RRAGB: variants seen among roughly 807,000 people sequenced by gnomAD.
RRAGB encodes the protein Ras related GTP binding B, also known as ras-related GTP-binding protein B.
In RRAGB, 6 loss-of-function variants were observed where a neutral mutation model predicts 29.3. The observed-to-expected ratio is 0.21, with a 90% CI of 0.11 to 0.40. The LOEUF (loss-of-function observed/expected upper bound fraction) is 0.40, where lower values mean the gene tolerates loss of function less well. Ranked by LOEUF, RRAGB falls within the 10% of genes least tolerant of loss-of-function variation. The pLI, the probability that RRAGB is intolerant of heterozygous loss-of-function variation, is 1.00. For synonymous variants in RRAGB, 101 were observed against 92.5 expected (o/e 1.09, Z -0.53); for missense variants, 184 against 272.9 (o/e 0.67, Z 2.29).
intron 3 of RRAGB, among the ~76,000 whole-genome samples, chrX:55,723,496 C>T (rs779208022): frequency 1.0e-4 from 11 of 108,101 alleles, no homozygotes; most frequent in Non-Finnish European, 1.5e-4. Flanking sequence ...TCTTAAGCCT[C>T]TACAAATATT....
At chrX:55,739,396 G>A (rs1240055917) in intron 5 of RRAGB, among the ~76,000 whole-genome samples, 1 of 23,566 alleles carries the variant, frequency 4.2e-5, no homozygotes, top group African/African-American at 5.3e-5. Context: ...TAGCTGTGAG[G>A]TTCCTCTTAT....
intron 5 of RRAGB, among the ~76,000 whole-genome samples, chrX:55,736,427 T>G (rs1225568595): frequency 8.9e-6 from 1 of 112,198 alleles, no homozygotes; most frequent in Non-Finnish European, 1.9e-5. Flanking sequence ...CTCTTGGATA[T>G]CATTTAGCAA....
At chrX:55,750,405 TC>T (rs933150303) in intron 5 of RRAGB, among the ~76,000 whole-genome samples, 6 of 111,026 alleles carry the variant, frequency 5.4e-5, no homozygotes, top group African/African-American at 2.0e-4. Flanking sequence ...AATTCTTTTT[TC>T]TTGGGGAAAT....
intron 6 of RRAGB, 24 bp from the exon 7 acceptor site, chrX:55,753,368 T>C: frequency 8.5e-7 from 1 of 1,176,045 alleles, no homozygotes; most frequent in Middle Eastern, 2.4e-4. Context: ...TTAATAATAG[T>C]ACACTGTGTT....
chrX:55,740,036 A>AT lies in RRAGB; in HGVS notation c.516+8454dup, dbSNP rs1367310075. On this transcript the variant is annotated intron_variant, in intron 5 of 9. Transcript: ENST00000374941. Reference sequence around the variant, plus strand: ...TAAGACTGGTGCAAAAATAATTGTGATTTTGCCGGGCGCGGTGGCTCACGC... The same window carrying AT: ...TAAGACTGGTGCAAAAATAATTGTGATTTTTGCCGGGCGCGGTGGCTCACGC... Among the ~76,000 whole-genome samples, 8 of 112,068 alleles carry AT rather than the reference A, an allele frequency of 7.1e-5. No individual in the cohort carries two copies. In the Admixed American group the frequency reaches 7.5e-4, roughly 11 times the overall value.
intron 3 of RRAGB, among the ~76,000 whole-genome samples, chrX:55,723,775 C>T (rs1207998566): frequency 5.4e-5 from 6 of 111,049 alleles, no homozygotes; most frequent in Non-Finnish European, 7.5e-5. Flanking sequence ...CCAAACTGGC[C>T]TCGAACTCCT....
intron 3 of RRAGB, chrX:55,727,427 A>G: frequency 1.6e-6 from 1 of 609,324 alleles, no homozygotes; most frequent in Non-Finnish European, 2.8e-6. Flanking sequence ...GGGGGAAGTA[A>G]AGGGGAGAAG....
At chrX:55,727,084 A>G (rs2033506180) in intron 3 of RRAGB, among the ~76,000 whole-genome samples, 1 of 111,311 alleles carries the variant, frequency 9.0e-6, no homozygotes, top group South Asian at 3.9e-4. Flanking sequence ...AGAAGAGAGT[A>G]GTCAACAGTG....
Position 55,758,265 on chromosome X carries a change from C to A in RRAGB, c.963C>A (p.Ile321=), listed in dbSNP as rs2034707855. ...DPSIPSAATL[I]NIRNARKHFE... The stretch of plus-strand genomic sequence containing the variant: ...CCTCAGCTTCTGCAGCTACTCTGAT[C>A]AACATCCGCAATGCCAGGAAACACT... The change falls in exon 10 of 10, where the codon ATC becomes ATA. Residue 321 remains isoleucine (I), a synonymous_variant. Transcript: ENST00000374941. 1 of 1,206,549 alleles carries A rather than the reference C, an allele frequency of 8.3e-7. No homozygotes were observed. The highest frequency in any genetic ancestry group is 1.1e-6 in the Non-Finnish European group (1 of 891,968).
rs1383881280 is a variant in RRAGB at position 55,745,227 on chromosome X, G to A, written c.517-5874G>A. The stretch of plus-strand genomic sequence containing the variant: ...TCTGCCTAATATCTTGTAAAAGGGT[G>A]GTCAAGATTCTTGTGAAGGTGGTCA... On this transcript the variant is annotated intron_variant, in intron 5 of 9. Transcript: ENST00000374941. Among the ~76,000 whole-genome samples the A allele has an allele frequency of 4.5e-5, 5 of 112,114 alleles. No individual in the cohort carries two copies. In the East Asian group the frequency reaches 1.4e-3, roughly 31 times the overall value.
intron 4 of RRAGB, among the ~76,000 whole-genome samples, chrX:55,730,761 G>T (rs1453508361): frequency 9.0e-6 from 1 of 111,655 alleles, no homozygotes; most frequent in Non-Finnish European, 1.9e-5. Context: ...CATGGAACTT[G>T]CTGTCTAGGG....
At chrX:55,743,313 T>C (rs770346628) in intron 5 of RRAGB, among the ~76,000 whole-genome samples, 2 of 112,448 alleles carry the variant, frequency 1.8e-5, no homozygotes, top group East Asian at 5.6e-4. Context: ...AGTAATCATG[T>C]CCCTTCCATG....
At chrX:55,727,820 G>A in intron 3 of RRAGB, among the ~76,000 whole-genome samples, 1 of 111,926 alleles carries the variant, frequency 8.9e-6, no homozygotes, top group South Asian at 3.7e-4. Context: ...ATAATTCCTA[G>A]ACTTTGATAA....
chrX:55,720,047 T>C (rs1189414728), intron 2 of RRAGB, among the ~76,000 whole-genome samples: 1 of 112,445 alleles, frequency 8.9e-6, no homozygotes, highest in African/African-American at 3.2e-5. Context: ...TGGTAAGTCT[T>C]TCATAGGCAA....
chrX:55,742,949 T>A (rs1437490287), intron 5 of RRAGB, among the ~76,000 whole-genome samples: 1 of 111,862 alleles, frequency 8.9e-6, no homozygotes, highest in Non-Finnish European at 1.9e-5. Flanking sequence ...GACTCATGCT[T>A]GTAGTTCTAC....
chrX:55,757,135 C>T (rs1288289466), intron 8 of RRAGB, 81 bp from the exon 9 acceptor site: 1 of 473,409 alleles, frequency 2.1e-6, no homozygotes, highest in East Asian at 3.5e-5. Flanking sequence ...CCTCAATCAT[C>T]AAAAGATGTT....
At chrX:55,756,004 A>G (rs1396424300) in intron 8 of RRAGB, 72 bp downstream of exon 8, 4 of 683,118 alleles carry the variant, frequency 5.9e-6, no homozygotes, top group Non-Finnish European at 9.1e-6. Context: ...AGTTCAAATA[A>G]CTATAGTTAA....
intron 5 of RRAGB, among the ~76,000 whole-genome samples, chrX:55,749,647 G>T (rs2147120970): frequency 9.0e-6 from 1 of 110,911 alleles, no homozygotes; most frequent in South Asian, 4.0e-4. Context: ...TGTCTGTGTG[G>T]AAAGAAGTAG....
rs773413105 is a variant in RRAGB, at chrX:55,743,314, C to T, written c.517-7787C>T. 5.3e-5 allele frequency among the ~76,000 whole-genome samples: 6 copies of T among 112,433 alleles called. No homozygotes were observed. In the East Asian group the frequency reaches 1.7e-3, roughly 31 times the overall value. On this transcript the variant is annotated intron_variant, in intron 5 of 9. Coordinates refer to ENST00000374941, the MANE Select transcript of RRAGB (RefSeq NM_006064.5). The stretch of plus-strand genomic sequence containing the variant: ...AGAATGTGTAATTCAGTAATCATGT[C>T]CCTTCCATGATGGAAGCAGATGAGT...
Sources: allele counts gnomAD v4.1 joint callset (sites outside exome capture counted in the v4.1 genomes callset), GRCh38; gene constraint gnomAD v4.1.1; transcripts MANE v1.5; gene names NCBI Gene and HGNC (gene_info 2026-07-23, HGNC 2026-07-21).